The following COP1 variants were observed in gnomAD, a reference collection of about 807,000 sequenced individuals.
COP1 encodes the protein COP1 E3 ubiquitin ligase, also known as E3 ubiquitin-protein ligase COP1.
Under a neutral mutation model 101.3 loss-of-function variants are expected in COP1, and 24 were observed. The ratio of observed to expected loss-of-function variants is 0.24; its 90% CI spans 0.17 to 0.33. COP1 has a LOEUF of 0.33. Among genes scored for constraint, COP1 ranks in the 10% least tolerant of loss-of-function variants. The pLI is 1.00. For missense variants in COP1, 663 were observed against 906.2 expected (o/e 0.73, Z 3.45); for synonymous variants, 347 against 341.9 (o/e 1.01, Z -0.17).
rs976525990 is a variant in COP1, at chr1:176,002,750, C to G, written c.1730-13271G>C. On this transcript the variant is annotated intron_variant, in intron 15 of 19. Transcript: ENST00000367669. ...ATGTGCCACATTTTCTTAATCCAGTCTATCATTGTTGGACATTTGGGTTGG... is the reference window on the plus strand; with the variant it reads ...ATGTGCCACATTTTCTTAATCCAGTGTATCATTGTTGGACATTTGGGTTGG... 2.7e-5 allele frequency among the ~76,000 whole-genome samples: 4 copies of G among 145,736 alleles called. No individual in the cohort carries two copies. In the East Asian group the frequency reaches 8.1e-4, roughly 29 times the overall value.
At chr1:175,962,103 AAATAG>A (rs1651447869) in intron 18 of COP1, among the ~76,000 whole-genome samples, 1 of 151,588 alleles carries the variant, frequency 6.6e-6, no homozygotes, top group South Asian at 2.1e-4. Context: ...TTTATGCAAA[AAATAG>A]ATAGGAGCAG....
At chr1:175,988,492 A>G in intron 16 of COP1, 80 bp from the exon 17 acceptor site, 1 of 1,341,518 alleles carries the variant, frequency 7.5e-7, no homozygotes, top group Non-Finnish European at 1.0e-6. Context: ...GAGGCAATGC[A>G]GTTTGCTGGT....
chr1:176,188,055 G>A (rs1332305676), intron 1 of COP1, among the ~76,000 whole-genome samples: 2 of 151,896 alleles, frequency 1.3e-5, no homozygotes, highest in African/African-American at 4.8e-5. Flanking sequence ...CACTGCCTGT[G>A]TATCAGGAAT....
At chr1:175,947,156 G>A in intron 19 of COP1, 39 bp downstream of exon 19, 1 of 1,392,066 alleles carries the variant, frequency 7.2e-7, no homozygotes, top group South Asian at 1.2e-5. Context: ...GTCTAAAAAT[G>A]GGCCTGAGTT....
chr1:176,199,767 T>A (rs1468422426), intron 1 of COP1, among the ~76,000 whole-genome samples: 1 of 152,146 alleles, frequency 6.6e-6, no homozygotes, highest in Non-Finnish European at 1.5e-5. Context: ...AGGTGTTAGG[T>A]GTGAAGGTAG....
chr1:175,968,005 T>C (rs1294641153), intron 18 of COP1, among the ~76,000 whole-genome samples: 2 of 152,084 alleles, frequency 1.3e-5, no homozygotes, highest in Non-Finnish European at 2.9e-5. Flanking sequence ...GTAGCTGGGA[T>C]TACAGGCGCC....
intron 8 of COP1, among the ~76,000 whole-genome samples, chr1:176,119,314 A>G (rs1338007256): frequency 6.6e-6 from 1 of 152,322 alleles, no homozygotes; most frequent in Admixed American, 6.5e-5. Flanking sequence ...GGCCTATAGA[A>G]CAGAACATTT....
intron 9 of COP1, among the ~76,000 whole-genome samples, chr1:176,111,551 C>T (rs1685295453): frequency 6.6e-6 from 1 of 152,158 alleles, no homozygotes; most frequent in Admixed American, 6.5e-5. Context: ...CCTTGGCCTC[C>T]CAAAGTGCTG....
At chr1:176,036,596 C>T (rs75489782) in intron 14 of COP1, among the ~76,000 whole-genome samples, 5,097 of 150,518 alleles carry the variant, frequency 0.034, 116 homozygotes, top group Non-Finnish European at 0.047. Context: ...AATAGCTCAA[C>T]TTATGATTTT....
At chr1:176,061,206 GAACA>G (rs1418256570) in intron 11 of COP1, among the ~76,000 whole-genome samples, 6 of 152,138 alleles carry the variant, frequency 3.9e-5, no homozygotes, top group East Asian at 1.9e-4. Flanking sequence ...CAATACAACA[GAACA>G]GACAGTTAAG....
intron 8 of COP1, among the ~76,000 whole-genome samples, chr1:176,121,631 C>T (rs1687137937): frequency 6.6e-6 from 1 of 152,134 alleles, no homozygotes; most frequent in African/African-American, 2.4e-5. Flanking sequence ...CATATAAATG[C>T]AGTTCTCCTC....
At chr1:176,204,103 T>C (rs1164993335) in intron 1 of COP1, among the ~76,000 whole-genome samples, 2 of 152,200 alleles carry the variant, frequency 1.3e-5, no homozygotes, top group Non-Finnish European at 1.5e-5. Context: ...CTTACAGATC[T>C]GAAACTCTCT....
At chr1:176,087,595 T>C (rs1417965501) in intron 9 of COP1, among the ~76,000 whole-genome samples, 1 of 152,134 alleles carries the variant, frequency 6.6e-6, no homozygotes, top group Non-Finnish European at 1.5e-5. Context: ...CATTAAAAAG[T>C]CAGGGAACAA....
intron 2 of COP1, among the ~76,000 whole-genome samples, chr1:176,179,163 A>G (rs577634409): frequency 6.6e-6 from 1 of 151,800 alleles, no homozygotes; most frequent in African/African-American, 2.4e-5. Context: ...ATTGGTGCAC[A>G]CCTATAGTCC....
At chr1:175,953,790 C>CAT (rs1378365662) in intron 18 of COP1, among the ~76,000 whole-genome samples, 1 of 149,160 alleles carries the variant, frequency 6.7e-6, no homozygotes, top group Non-Finnish European at 1.5e-5. Context: ...CTCCTATATA[C>CAT]ATATATATCT....
intron 15 of COP1, among the ~76,000 whole-genome samples, chr1:176,004,907 G>A (rs1662714818): frequency 6.6e-6 from 1 of 151,596 alleles, no homozygotes; most frequent in African/African-American, 2.4e-5. Context: ...CTATTGATTG[G>A]AATAGTTTCA....
intron 11 of COP1, among the ~76,000 whole-genome samples, chr1:176,062,448 C>A (rs1160493048): frequency 2.0e-5 from 3 of 152,052 alleles, no homozygotes; most frequent in Non-Finnish European, 4.4e-5. Context: ...ATTACATACC[C>A]ATTAATAAAA....
At chr1:176,184,203 T>C (rs970699791) in intron 2 of COP1, among the ~76,000 whole-genome samples, 1 of 152,180 alleles carries the variant, frequency 6.6e-6, no homozygotes. Flanking sequence ...AAGTTAATAT[T>C]GAGCAAAGTG....
intron 14 of COP1, among the ~76,000 whole-genome samples, chr1:176,028,062 T>A (rs767452229): frequency 2.6e-5 from 4 of 152,024 alleles, no homozygotes; most frequent in African/African-American, 4.8e-5. Context: ...TCAGATCTCA[T>A]GAGACTTATT....
Sources: gnomAD v4.1 joint callset for allele counts (sites outside exome capture counted in the v4.1 genomes callset) on GRCh38, gnomAD v4.1.1 for gene constraint, MANE v1.5 for transcripts, NCBI Gene and HGNC (gene_info 2026-07-23, HGNC 2026-07-21) for gene names.